PLBD1: variants seen among roughly 807,000 people sequenced by gnomAD.
PLBD1 encodes lysosomal leucine aminopeptidase.
A neutral mutation model predicts 63.0 loss-of-function variants in PLBD1; 60 were observed. The ratio of observed to expected loss-of-function variants is 0.95; its 90% confidence interval spans 0.77 to 1.18. The LOEUF is 1.18. Ranked by LOEUF, PLBD1 falls within the 50% of genes most tolerant of loss-of-function variation. The pLI, the probability that PLBD1 is intolerant of heterozygous loss-of-function variation, is 0.00. For missense variants in PLBD1, 598 were observed against 677.9 expected, an observed-to-expected ratio of 0.88 and a Z score of 1.31; for synonymous variants, 262 against 248.0, an observed-to-expected ratio of 1.06 and a Z score of -0.53.
intron 10 of PLBD1, among the ~76,000 whole-genome samples, chr12:14,505,950 A>C (rs1012409794): frequency 6.6e-6 from 1 of 152,262 alleles, no homozygotes; most frequent in African/African-American, 2.4e-5. Flanking sequence ...AAACAGAAAC[A>C]TGACGGAATT....
At chr12:14,522,111 C>T (rs1464254088) in intron 6 of PLBD1, among the ~76,000 whole-genome samples, 3 of 152,006 alleles carry the variant, frequency 2.0e-5, no homozygotes, top group Non-Finnish European at 4.4e-5. Context: ...TATGAGACAC[C>T]ATTAAGTGAA....
In PLBD1 at chr12:14,503,977, C is replaced by G. The variant is rs138153598; in HGVS notation, c.1480-23G>C. On this transcript the variant is annotated intron_variant, in intron 10 of 10. Transcript: ENST00000240617. ...CACCTGGAAAGAGGGAGGAGGAGGA[C>G]ATTTTAGAAAATCATCGTTCAGCAA... 4.9e-4 allele frequency: 776 copies of G among 1,574,404 alleles called. 3 individuals are homozygous for G. In the African/African-American group the frequency reaches 9.8e-3, roughly 20 times the overall value.
Position 14,558,532 on chromosome 12 carries a change from G to A in PLBD1, c.116-5120C>T, listed in dbSNP as rs565136040. 2.6e-5 allele frequency among the ~76,000 whole-genome samples: 4 copies of A among 152,242 alleles called. No individual in the cohort carries two copies. The South Asian group carries it at 6.2e-4, about 24-fold the overall frequency. On this transcript the variant is annotated intron_variant, in intron 1 of 10. Coordinates refer to ENST00000240617, the MANE Select transcript of PLBD1 (RefSeq NM_024829.6). ...GGGAGCGTTGTAGGGAAATGAGGAA[G>A]TGTGGCTGCTGGAATAAAAAGCAGA...
intron 4 of PLBD1, among the ~76,000 whole-genome samples, chr12:14,539,644 G>A (rs1240362473): frequency 6.6e-6 from 1 of 151,466 alleles, no homozygotes. Flanking sequence ...AAATTAGTTG[G>A]GTGTGGTGGC....
chr12:14,532,667 G>T lies in PLBD1; in HGVS notation c.844+2992C>A, dbSNP rs79074859. Reference sequence around the variant, plus strand: ...ATCTTGTTGAACCCATGCGTGGGCAGGAATGGAGGAGAAGAGCCCCCAGAT... The same window carrying T: ...ATCTTGTTGAACCCATGCGTGGGCATGAATGGAGGAGAAGAGCCCCCAGAT... On this transcript the variant is annotated intron_variant, in intron 6 of 10. Transcript: ENST00000240617. Among the ~76,000 whole-genome samples, 1,141 of 152,350 alleles carry T rather than the reference G, an allele frequency of 7.5e-3. 25 individuals are homozygous for T. Among genetic ancestry groups the T allele is most frequent in the African/African-American group, 0.026 (1,098 of 41,586 alleles).
At chr12:14,552,134 C>T (rs1441325627) in intron 2 of PLBD1, among the ~76,000 whole-genome samples, 1 of 152,134 alleles carries the variant, frequency 6.6e-6, no homozygotes, top group African/African-American at 2.4e-5. Context: ...ATGACTAAGG[C>T]AGTAACAGCC....
In PLBD1 at chr12:14,507,095, GAA is replaced by G; in HGVS notation, c.1208_1209del (p.Val403AlafsTer4). The G allele has an allele frequency of 6.2e-7, 1 of 1,611,318 alleles. No individual in the cohort carries two copies. Among genetic ancestry groups the G allele is most frequent in the South Asian group, 1.1e-5 (1 of 90,820 alleles). ...LRKGYWPSYN[V>X]PFHEKIYNWS... Reference sequence around the variant, plus strand: ...CAGTTGTAGATTTTTTCATGGAAAGGAACATTGTAGGAGGGCCAATATCCTGA... The same window carrying G: ...CAGTTGTAGATTTTTTCATGGAAAGGCATTGTAGGAGGGCCAATATCCTGA... On this transcript the variant is annotated frameshift_variant, in exon 9 of 11. Transcript: ENST00000240617. LOFTEE classifies it high-confidence loss of function.
chr12:14,521,938 A>C (rs1217615230), intron 6 of PLBD1, among the ~76,000 whole-genome samples: 1 of 152,160 alleles, frequency 6.6e-6, no homozygotes, highest in Non-Finnish European at 1.5e-5. Context: ...TAAAGAATTC[A>C]ACAGAGATAT....
chr12:14,561,401 T>C (rs1455070868), intron 1 of PLBD1, among the ~76,000 whole-genome samples: 1 of 152,078 alleles, frequency 6.6e-6, no homozygotes, highest in Non-Finnish European at 1.5e-5. Context: ...AGTCCTCATC[T>C]AGATTACTCA....
rs1294685586 is a variant in PLBD1 at position 14,516,028 on chromosome 12, C to T, written c.845-4317G>A. ...CTCCAGCCTGGGCAACAGAGCGAGA[C>T]TCCATCTCAAAAAAAAACAAGGCCG... On this transcript the variant is annotated intron_variant, in intron 6 of 10. Transcript: ENST00000240617. 2.0e-5 allele frequency among the ~76,000 whole-genome samples: 3 copies of T among 149,308 alleles called. No homozygotes were observed. The East Asian group carries it at 6.0e-4, about 30-fold the overall frequency.
intron 2 of PLBD1, 65 bp downstream of exon 2, chr12:14,553,128 C>A: frequency 1.5e-6 from 2 of 1,349,838 alleles, no homozygotes; most frequent in South Asian, 2.5e-5. Flanking sequence ...AGATGAGAGT[C>A]ACTGTGGAAC....
At chr12:14,516,554 G>A (rs965278559) in intron 6 of PLBD1, among the ~76,000 whole-genome samples, 1 of 152,008 alleles carries the variant, frequency 6.6e-6, no homozygotes, top group Non-Finnish European at 1.5e-5. Context: ...GAAAAATTGG[G>A]GAACATCTAA....
intron 10 of PLBD1, among the ~76,000 whole-genome samples, chr12:14,504,915 A>G (rs1945240704): frequency 6.6e-6 from 1 of 152,204 alleles, no homozygotes; most frequent in Non-Finnish European, 1.5e-5. Flanking sequence ...CTCTGTCTCC[A>G]GAAGTGAGAT....
chr12:14,511,243 CGACATGAAGAAA>C lies in PLBD1; in HGVS notation c.1186+5_1186+16del. 1.4e-6 allele frequency: 2 copies of C among 1,411,504 alleles called. No homozygotes were observed. Among genetic ancestry groups the C allele is most frequent in the East Asian group, 6.2e-5 (2 of 32,402 alleles). 87.4% of individuals were successfully genotyped at this position (1,411,504 alleles called of 1,614,324 possible). On this transcript the variant is annotated splice_donor_5th_base_variant and intron_variant, in intron 8 of 10. Coordinates refer to ENST00000240617, the MANE Select transcript of PLBD1 (RefSeq NM_024829.6). The stretch of plus-strand genomic sequence containing the variant: ...CATACTCATCAGGTTTTAAGACTTA[CGACATGAAGAAA>C]GTACCTTTCCGTAGAACATCAGTTT...
At chr12:14,540,981 T>C in intron 3 of PLBD1, 79 bp from the exon 4 acceptor site, 1 of 1,378,696 alleles carries the variant, frequency 7.3e-7, no homozygotes, top group East Asian at 2.4e-5. Context: ...ATTGAGAGAT[T>C]ATATACTCAG....
chr12:14,523,286 G>C (rs945239756), intron 6 of PLBD1, among the ~76,000 whole-genome samples: 1 of 152,038 alleles, frequency 6.6e-6, no homozygotes, highest in African/African-American at 2.4e-5. Flanking sequence ...AACTAAGCGG[G>C]TGAAAGATCT....
intron 1 of PLBD1, among the ~76,000 whole-genome samples, chr12:14,560,095 G>A (rs1945734601): frequency 6.6e-6 from 1 of 152,212 alleles, no homozygotes; most frequent in East Asian, 1.9e-4. Context: ...CTTGACCTCA[G>A]GTGATTTGCC....
intron 1 of PLBD1, among the ~76,000 whole-genome samples, chr12:14,559,827 T>C (rs1945732110): frequency 6.6e-6 from 1 of 151,764 alleles, no homozygotes; most frequent in Admixed American, 6.6e-5. Flanking sequence ...TATTAATATT[T>C]ACTTGTATAC....
chr12:14,543,546 G>A (rs964616451), intron 2 of PLBD1, among the ~76,000 whole-genome samples: 2 of 151,994 alleles, frequency 1.3e-5, no homozygotes, highest in African/African-American at 2.4e-5. Context: ...GTGAAACCCC[G>A]TCTCTACTAA....
Sources: gnomAD v4.1 joint callset for allele counts (sites outside exome capture counted in the v4.1 genomes callset) on GRCh38, gnomAD v4.1.1 for gene constraint, MANE v1.5 for transcripts, NCBI Gene and HGNC (gene_info 2026-07-23, HGNC 2026-07-21) for gene names.